Variants in SLC45A1 observed in about 807,000 individuals in gnomAD.
The protein encoded by SLC45A1 is solute carrier family 45 member 1.
A neutral mutation model predicts 57.6 loss-of-function variants in SLC45A1; 28 were observed. The ratio of observed to expected loss-of-function variants is 0.49; its 90% confidence interval spans 0.36 to 0.67. The LOEUF is 0.67. SLC45A1 is among the 30% of genes least tolerant of loss of function. SLC45A1 has a pLI of 0.00. For synonymous variants in SLC45A1, 459 were observed against 471.5 expected, an observed-to-expected ratio of 0.97 and a Z score of 0.34; for missense variants, 814 against 1,041.5, an observed-to-expected ratio of 0.78 and a Z score of 3.01.
intron 6 of SLC45A1, among the ~76,000 whole-genome samples, chr1:8,337,276 T>C (rs1640643011): frequency 6.6e-6 from 1 of 152,188 alleles, no homozygotes; most frequent in Non-Finnish European, 1.5e-5. Context: ...GAGAACAGCA[T>C]GGGAAAGACC....
At chr1:8,320,489 CAAG>C (rs1365496842) in intron 1 of SLC45A1, among the ~76,000 whole-genome samples, 1 of 152,210 alleles carries the variant, frequency 6.6e-6, no homozygotes, top group East Asian at 1.9e-4. Context: ...CAAAAAAATA[CAAG>C]AATTAGCCTG....
Position 8,325,788 on chromosome 1 carries a change from CT to C in SLC45A1, c.491-28del. On this transcript the variant is annotated intron_variant, in intron 3 of 8. Transcript: ENST00000471889. The surrounding 1 kb of genome is among the most constrained non-coding windows in gnomAD (Gnocchi z 6.3). ...CGGGGACAGAGCTGGTCTGCATTTT[CT>C]TGGGGTGACTTTGTTTCTCTGTGTC... 6.3e-7 allele frequency: 1 copy of C among 1,599,752 alleles called. No individual in the cohort carries two copies. Among genetic ancestry groups the C allele is most frequent in the South Asian group, 1.1e-5 (1 of 90,788 alleles).
Position 8,342,104 on chromosome 1 carries a change from G to A in SLC45A1, c.1981-1643G>A, listed in dbSNP as rs960812123. On this transcript the variant is annotated intron_variant, in intron 8 of 8. Transcript: ENST00000471889. The stretch of plus-strand genomic sequence containing the variant: ...CGCCTGTAGTCCCAGCTACTCTGGA[G>A]GCTGAGGCAGAAGAATGGCGTGAAC... Among the ~76,000 whole-genome samples the A allele has an allele frequency of 2.0e-5, 3 of 152,130 alleles. No individual in the cohort carries two copies. In the East Asian group the frequency reaches 5.8e-4, roughly 29 times the overall value.
Position 8,343,496 on chromosome 1 carries a change from C to G in SLC45A1, c.1981-251C>G, listed in dbSNP as rs957675481. On this transcript the variant is annotated intron_variant, in intron 8 of 8. Coordinates refer to ENST00000471889, the MANE Select transcript of SLC45A1 (RefSeq NM_001080397.3). The surrounding 1 kb of genome is among the most constrained non-coding windows in gnomAD (Gnocchi z 7.7). ...CAAGTGCTGAGCGGGGAAAGTGTCT[C>G]CCGCCACCTCGGCCCGTGGGAGCTC... is the stretch of plus-strand genomic sequence containing the variant. Among the ~76,000 whole-genome samples, 2 of 151,974 alleles carry G rather than the reference C, an allele frequency of 1.3e-5. No homozygotes were observed. The highest frequency in any genetic ancestry group is 4.8e-5 in the African/African-American group (2 of 41,426).
intron 5 of SLC45A1, among the ~76,000 whole-genome samples, chr1:8,332,412 G>A (rs1319776519): frequency 1.3e-5 from 2 of 152,192 alleles, no homozygotes; most frequent in African/African-American, 2.4e-5. Flanking sequence ...AGAACCTTCT[G>A]GAAAGCTGTT....
At chr1:8,318,746 G>C (rs576017188) in intron 1 of SLC45A1, among the ~76,000 whole-genome samples, 1 of 152,208 alleles carries the variant, frequency 6.6e-6, no homozygotes, top group African/African-American at 2.4e-5. Flanking sequence ...TGACAGCCGT[G>C]CATGTTTTTC....
At chr1:8,338,676 G>A (rs184118458) in intron 7 of SLC45A1, among the ~76,000 whole-genome samples, 177 of 152,368 alleles carry the variant, frequency 1.2e-3, no homozygotes, top group African/African-American at 4.1e-3. Flanking sequence ...CCGAGTGGGC[G>A]TGCCAAGCGC....
At chr1:8,341,930 G>A (rs562411547) in intron 8 of SLC45A1, among the ~76,000 whole-genome samples, 11 of 142,110 alleles carry the variant, frequency 7.7e-5, no homozygotes, top group East Asian at 4.4e-4. Context: ...TAAATAGGCC[G>A]GGTGCGGTGG....
At chr1:8,337,167 T>A (rs1276771358) in intron 6 of SLC45A1, among the ~76,000 whole-genome samples, 1 of 151,862 alleles carries the variant, frequency 6.6e-6, no homozygotes, top group Non-Finnish European at 1.5e-5. Flanking sequence ...GCAAAGGAGG[T>A]GCAAAGGCAC....
At position 8,324,515 on chromosome 1, in the gene SLC45A1, G is replaced by GC. The variant is rs1242748075; in HGVS notation, c.192dup (p.Asn65GlnfsTer7). On this transcript the variant is annotated frameshift_variant, in exon 2 of 9. Transcript: ENST00000471889. LOFTEE classifies it high-confidence loss of function. ...AGTGCATTCGTCCCTCCCCACCCCC[G>GC]CCCCCCAACACCCCGTGCCCGCTTG... 2.9e-6 allele frequency: 2 copies of GC among 694,676 alleles called. No homozygotes were observed. The highest frequency in any genetic ancestry group is 4.1e-6 in the Non-Finnish European group (2 of 489,588). The allele number at this position is 694,676 out of a possible 1,614,324, so 43.0% of individuals were successfully genotyped here.
At chr1:8,323,341 A>C (rs1414612081) in intron 1 of SLC45A1, among the ~76,000 whole-genome samples, 1 of 152,036 alleles carries the variant, frequency 6.6e-6, no homozygotes, top group Non-Finnish European at 1.5e-5. Context: ...AAATACAAAA[A>C]TTAGCTGGGC....
rs1003181808 is a variant in SLC45A1 at position 8,326,912 on chromosome 1, G to A, written c.715+870G>A. Among the ~76,000 whole-genome samples, 6 of 152,188 alleles carry A rather than the reference G, an allele frequency of 3.9e-5. No individual in the cohort carries two copies. The highest frequency in any genetic ancestry group is 8.8e-5 in the Non-Finnish European group (6 of 68,038). On this transcript the variant is annotated intron_variant, in intron 4 of 8. Coordinates refer to ENST00000471889, the MANE Select transcript of SLC45A1 (RefSeq NM_001080397.3). The surrounding 1 kb of genome is among the most constrained non-coding windows in gnomAD (Gnocchi z 5.5). ...GGAGAATCACTTGAATCCGGGAGGC[G>A]GAGGTTGCAGTGAACTGAGATCGCA... is the stretch of plus-strand genomic sequence containing the variant.
chr1:8,323,838 G>T (rs531989298), intron 1 of SLC45A1, among the ~76,000 whole-genome samples: 3 of 152,140 alleles, frequency 2.0e-5, no homozygotes, highest in Non-Finnish European at 2.9e-5. Context: ...TCCCCGCAAC[G>T]CGAGGAAGCA....
chr1:8,319,017 A>T (rs1490846421), intron 1 of SLC45A1, among the ~76,000 whole-genome samples: 1 of 152,246 alleles, frequency 6.6e-6, no homozygotes, highest in African/African-American at 2.4e-5. Context: ...GCGGTGGCTC[A>T]TGCCTGTAAT....
chr1:8,332,299 C>A (rs2124308903), intron 5 of SLC45A1, among the ~76,000 whole-genome samples: 1 of 152,330 alleles, frequency 6.6e-6, no homozygotes, highest in East Asian at 1.9e-4. Flanking sequence ...GTGAAACCTG[C>A]AGATGTGTCT....
Position 8,339,686 on chromosome 1 carries a change from T to C in SLC45A1, c.1968T>C (p.Tyr656=). The C allele has an allele frequency of 6.2e-7, 1 of 1,614,028 alleles. No homozygotes were observed. Among genetic ancestry groups the C allele is most frequent in the Non-Finnish European group, 8.5e-7 (1 of 1,179,864 alleles). ...CTTACTCGCTGCTCTGCGATTACTA[T>C]CAGAGTAAGAAGGTAAGTGCTCTCC... ...TLPYSLLCDY[Y]QSKKFAGSSA... is the part of the protein sequence containing the mutation. The change falls in exon 8 of 9, where the codon TAT becomes TAC. Residue 656 remains tyrosine (Y), a synonymous_variant. Transcript: ENST00000471889.
intron 6 of SLC45A1, among the ~76,000 whole-genome samples, chr1:8,337,461 C>T (rs1475208724): frequency 3.3e-5 from 5 of 152,210 alleles, no homozygotes; most frequent in African/African-American, 4.8e-5. Flanking sequence ...CTCTGTCGCC[C>T]GGGCTGGAGG....
chr1:8,326,083 T>C lies in SLC45A1; in HGVS notation c.715+41T>C, dbSNP rs751681670. Reference sequence around the variant, plus strand: ...AGGGCCGAAGCTGAATCTGCCGGGCTGCAGGCTTCAGACGTGTGGCTTTCG... The same window carrying C: ...AGGGCCGAAGCTGAATCTGCCGGGCCGCAGGCTTCAGACGTGTGGCTTTCG... On this transcript the variant is annotated intron_variant, in intron 4 of 8. Transcript: ENST00000471889. This position sits in a 1 kb window ranked among gnomAD's most constrained non-coding sequence, Gnocchi z 5.5. The C allele has an allele frequency of 4.5e-6, 7 of 1,545,184 alleles. No individual in the cohort carries two copies. In the Admixed American group the frequency reaches 1.0e-4, roughly 22 times the overall value.
chr1:8,331,459 A>T (rs1197216073), intron 5 of SLC45A1, among the ~76,000 whole-genome samples: 4 of 150,922 alleles, frequency 2.7e-5, no homozygotes, highest in East Asian at 3.9e-4. Flanking sequence ...AAATATTTTT[A>T]AAAAATACTT....
Sources: allele counts gnomAD v4.1 joint callset (sites outside exome capture counted in the v4.1 genomes callset), GRCh38; gene constraint gnomAD v4.1.1; non-coding constraint Gnocchi (gnomAD v3.1); transcripts MANE v1.5; gene names NCBI Gene and HGNC (gene_info 2026-07-23, HGNC 2026-07-21).